The following PID1 variants were observed in gnomAD, a reference collection of about 807,000 sequenced individuals.
The protein encoded by PID1 is phosphotyrosine interaction domain containing 1.
A neutral mutation model predicts 19.1 loss-of-function variants in PID1; 10 were observed. The observed-to-expected ratio is 0.52, with a 90% CI of 0.32 to 0.89. The LOEUF is 0.89. Ranked by LOEUF, PID1 falls within the 40% of genes least tolerant of loss-of-function variation. The pLI, the probability that PID1 is intolerant of heterozygous loss-of-function variation, is 0.03. For missense variants in PID1, 248 were observed against 285.3 expected (o/e 0.87, Z 0.94); for synonymous variants, 130 against 116.0 (o/e 1.12, Z -0.78).
chr2:229,136,377 G>A (rs1423513635), intron 2 of PID1, among the ~76,000 whole-genome samples: 5 of 151,914 alleles, frequency 3.3e-5, no homozygotes, highest in Non-Finnish European at 4.4e-5. Context: ...CCTGAACTCA[G>A]ATTACTGAAC....
chr2:229,034,595 T>C (rs1693621055), intron 2 of PID1, among the ~76,000 whole-genome samples: 1 of 152,054 alleles, frequency 6.6e-6, no homozygotes, highest in South Asian at 2.1e-4. Context: ...CTGCCCAGTT[T>C]CAGCATCAGC....
intron 1 of PID1, among the ~76,000 whole-genome samples, chr2:229,208,570 G>A (rs1267110606): frequency 6.6e-6 from 1 of 152,156 alleles, no homozygotes; most frequent in Admixed American, 6.6e-5. Flanking sequence ...AGCATAGAAG[G>A]CATTCCCTTC....
At chr2:229,146,914 C>G (rs1158876060) in intron 2 of PID1, among the ~76,000 whole-genome samples, 1 of 152,104 alleles carries the variant, frequency 6.6e-6, no homozygotes, top group Non-Finnish European at 1.5e-5. Context: ...AATGGATTGT[C>G]CCCCTAGAGC....
At chr2:229,171,402 T>C (rs2106209867) in intron 1 of PID1, among the ~76,000 whole-genome samples, 1 of 152,314 alleles carries the variant, frequency 6.6e-6, no homozygotes, top group Non-Finnish European at 1.5e-5. Context: ...AGAATTTATC[T>C]GTTCTACACG....
chr2:229,043,681 T>C (rs923446922), intron 2 of PID1, among the ~76,000 whole-genome samples: 2 of 152,202 alleles, frequency 1.3e-5, no homozygotes, highest in African/African-American at 4.8e-5. Context: ...AGCAGTCTTA[T>C]TTTCTTATTT....
intron 1 of PID1, among the ~76,000 whole-genome samples, chr2:229,176,157 A>G (rs1287623645): frequency 2.6e-4 from 1 of 3,774 alleles, no homozygotes; most frequent in Non-Finnish European, 7.5e-4. Flanking sequence ...ACCTTCAAAA[A>G]TTAAAAAAAA....
chr2:229,095,952 G>T (rs1313856461), intron 2 of PID1, among the ~76,000 whole-genome samples: 1 of 152,146 alleles, frequency 6.6e-6, no homozygotes, highest in Non-Finnish European at 1.5e-5. Context: ...TTGCACCAAT[G>T]CAGGAGAAAA....
intron 2 of PID1, among the ~76,000 whole-genome samples, chr2:229,052,239 T>C (rs775712398): frequency 1.3e-5 from 2 of 152,180 alleles, no homozygotes. Context: ...AGGTTACAAC[T>C]GCCCAGAGGA....
chr2:229,179,934 T>C (rs1017229726), intron 1 of PID1, among the ~76,000 whole-genome samples: 4 of 152,160 alleles, frequency 2.6e-5, no homozygotes, highest in African/African-American at 9.7e-5. Flanking sequence ...GTCCCTTTTG[T>C]CCTCAACTGA....
Position 229,029,835 on chromosome 2 carries a change from G to A in PID1, c.178-3727C>T, listed in dbSNP as rs1427537159. The stretch of plus-strand genomic sequence containing the variant: ...AGCCTGGGTGACAGAGTGACACTCC[G>A]TCTCAAAAAAAAAAAAAAACAATTA... On this transcript the variant is annotated intron_variant, in intron 2 of 2. Coordinates refer to ENST00000392055, the MANE Select transcript of PID1 (RefSeq NM_001100818.2). Among the ~76,000 whole-genome samples, 29 of 112,870 alleles carry A rather than the reference G, an allele frequency of 2.6e-4. 1 individual carries two copies. The highest frequency in any genetic ancestry group is 4.7e-3 in the Middle Eastern group (1 of 212). 74.0% of individuals were successfully genotyped at this position (112,870 alleles called of 152,430 possible). A position where few individuals can be genotyped will look rare whatever the true frequency, so the allele number is the denominator to read the frequency against.
At chr2:229,121,926 CAA>C (rs1695531552) in intron 2 of PID1, among the ~76,000 whole-genome samples, 1 of 151,826 alleles carries the variant, frequency 6.6e-6, no homozygotes, top group Admixed American at 6.6e-5. Context: ...CAAAGGAGAG[CAA>C]AGAGATTGGG....
intron 1 of PID1, among the ~76,000 whole-genome samples, chr2:229,172,837 TTC>T (rs1690738166): frequency 6.6e-6 from 1 of 152,158 alleles, no homozygotes; most frequent in South Asian, 2.1e-4. Flanking sequence ...GTTCGAGCAA[TTC>T]TCCTGCCTCA....
intron 2 of PID1, among the ~76,000 whole-genome samples, chr2:229,065,248 C>A (rs1694299088): frequency 6.6e-6 from 1 of 152,136 alleles, no homozygotes; most frequent in Non-Finnish European, 1.5e-5. Flanking sequence ...TCTATAGCTG[C>A]CTTCCTTTGA....
chr2:229,120,677 T>C (rs907715263), intron 2 of PID1, among the ~76,000 whole-genome samples: 2 of 151,712 alleles, frequency 1.3e-5, no homozygotes, highest in African/African-American at 4.8e-5. Context: ...ATCATTGTCA[T>C]GGTTTGGATA....
chr2:229,152,298 G>C (rs1690273698), intron 2 of PID1, among the ~76,000 whole-genome samples: 1 of 152,202 alleles, frequency 6.6e-6, no homozygotes, highest in South Asian at 2.1e-4. Context: ...AGGTCCAGGA[G>C]TCTGCTTGCC....
intron 2 of PID1, among the ~76,000 whole-genome samples, chr2:229,132,077 T>A (rs1474582703): frequency 6.6e-6 from 1 of 152,208 alleles, no homozygotes; most frequent in Non-Finnish European, 1.5e-5. Flanking sequence ...TGATGGCACG[T>A]GGTAGAACCA....
At chr2:229,266,546 T>A (rs1690596329) in intron 1 of PID1, among the ~76,000 whole-genome samples, 1 of 152,204 alleles carries the variant, frequency 6.6e-6, no homozygotes, top group African/African-American at 2.4e-5. Context: ...CTAACTGTAT[T>A]TATTAATAAC....
At position 229,153,765 on chromosome 2, in the gene PID1, C is replaced by T. The variant is rs555508178; in HGVS notation, c.177+2053G>A. Among the ~76,000 whole-genome samples the T allele has an allele frequency of 6.6e-5, 10 of 152,214 alleles. No individual in the cohort carries two copies. In the East Asian group the frequency reaches 1.5e-3, roughly 23 times the overall value. On this transcript the variant is annotated intron_variant, in intron 2 of 2. Transcript: ENST00000392055. ...CACACACACATTTATTTAATATCTA[C>T]ATTAGATTGTTAGATTGCTAGGTAT... is the stretch of plus-strand genomic sequence containing the variant.
intron 1 of PID1, among the ~76,000 whole-genome samples, chr2:229,166,795 T>C (rs183462130): frequency 2.6e-4 from 40 of 152,288 alleles, no homozygotes; most frequent in Middle Eastern, 3.4e-3. Context: ...GAAATGAAGA[T>C]AGTGCTCATA....
Sources: gnomAD v4.1 joint callset for allele counts (sites outside exome capture counted in the v4.1 genomes callset) on GRCh38, gnomAD v4.1.1 for gene constraint, MANE v1.5 for transcripts, NCBI Gene and HGNC (gene_info 2026-07-23, HGNC 2026-07-21) for gene names.